The following LITAF variants were observed in gnomAD, a reference collection of about 807,000 sequenced individuals.
The protein encoded by LITAF is lipopolysaccharide-induced tumor necrosis factor-alpha factor.
A neutral mutation model predicts 14.5 loss-of-function variants in LITAF; 9 were observed. The observed-to-expected ratio is 0.62, with a 90% CI of 0.37 to 1.08. LITAF has a LOEUF of 1.08. LITAF is among the 50% of genes least tolerant of loss of function. The probability of loss-of-function intolerance (pLI) is 0.01; values close to 1 mark genes in which losing one functional copy is unlikely to be tolerated. For missense variants in LITAF, 206 were observed against 213.4 expected (o/e 0.97, Z 0.22); for synonymous variants, 98 against 88.2 (o/e 1.11, Z -0.62).
chr16:11,592,078 T>C (rs527921027), upstream of LITAF, among the ~76,000 whole-genome samples: 23 of 152,256 alleles, frequency 1.5e-4, 1 homozygote, highest in South Asian at 4.6e-3. Flanking sequence ...GCACAAGCAA[T>C]AAAATAAGAA....
chr16:11,621,834 G>A (rs2065053285), intron 3 of LITAF, among the ~76,000 whole-genome samples: 1 of 152,068 alleles, frequency 6.6e-6, no homozygotes, highest in Admixed American at 6.6e-5. Flanking sequence ...CAGATCCTAA[G>A]ATCCTGCTCT....
At chr16:11,590,897 T>A (rs2064842549), upstream of LITAF, among the ~76,000 whole-genome samples, 2 of 117,058 alleles carry the variant, frequency 1.7e-5, 1 homozygote, top group Non-Finnish European at 3.4e-5. Flanking sequence ...CAAGCCTGGC[T>A]AATTTTTGTA....
At position 11,619,010 on chromosome 16, in the gene LITAF, C is replaced by A. The variant is rs112043499; in HGVS notation, c.85+14523G>T. Among the ~76,000 whole-genome samples, 222 of 149,014 alleles carry A rather than the reference C, an allele frequency of 1.5e-3. 3 individuals carry two copies. The highest frequency in any genetic ancestry group is 3.6e-3 in the Admixed American group (54 of 14,954). On this transcript the variant is annotated intron_variant, in intron 3 of 3. Transcript: ENST00000574848. ...AAAAAAAACAAAACAAACAAACAAA[C>A]AAAAAAAACCCCAGCACTGCCCGGG...
In LITAF at chr16:11,620,593, CA is replaced by C. The variant is rs1204189885; in HGVS notation, c.85+12939del. Among the ~76,000 whole-genome samples, 6 of 152,314 alleles carry C rather than the reference CA, an allele frequency of 3.9e-5. No homozygotes were observed. The South Asian group carries it at 1.0e-3, about 26-fold the overall frequency. ...TGCAAGAATGCCTAAAACAGCCTCC[CA>C]AAGCACTGGGATTACAGACGTGAGC... On this transcript the variant is annotated intron_variant, in intron 3 of 3. Transcript: ENST00000574848.
At chr16:11,616,128 C>T (rs1335850479) in intron 3 of LITAF, among the ~76,000 whole-genome samples, 1 of 152,182 alleles carries the variant, frequency 6.6e-6, no homozygotes, top group Non-Finnish European at 1.5e-5. Flanking sequence ...CAGGGCCCTT[C>T]CAGACCCCAC....
chr16:11,550,766 GATTAC>G (rs2064170307), intron 3 of LITAF, among the ~76,000 whole-genome samples: 2 of 152,106 alleles, frequency 1.3e-5, no homozygotes, highest in Non-Finnish European at 2.9e-5. Context: ...AAATTGCTGG[GATTAC>G]AGGTGGAAGC....
rs774776755 is a variant in LITAF at position 11,605,315 on chromosome 16, G to A, written c.85+28218C>T. Among the ~76,000 whole-genome samples the A allele has an allele frequency of 3.3e-5, 5 of 152,162 alleles. No individual in the cohort carries two copies. Among genetic ancestry groups the A allele is most frequent in the Admixed American group, 6.5e-5 (1 of 15,276 alleles). ...CTAGTATTCAATGGGGGGATGCCAC[G>A]CAGGTCTGGCTATGTCTTCAGAAAC... On this transcript the variant is annotated intron_variant, in intron 3 of 3. Coordinates refer to the LITAF transcript ENST00000574848. This position sits in a 1 kb window ranked among gnomAD's most constrained non-coding sequence, Gnocchi z 4.7.
intron 1 of LITAF, among the ~76,000 whole-genome samples, chr16:11,584,700 G>T (rs1267240411): frequency 6.6e-6 from 1 of 152,090 alleles, no homozygotes; most frequent in Non-Finnish European, 1.5e-5. Flanking sequence ...AGTTACAAGG[G>T]CATTAGCAAG....
At chr16:11,631,202 A>C (rs935116130) in intron 3 of LITAF, among the ~76,000 whole-genome samples, 1 of 152,164 alleles carries the variant, frequency 6.6e-6, no homozygotes, top group Non-Finnish European at 1.5e-5. Flanking sequence ...TGTGGCTGCA[A>C]TTATCACATC....
chr16:11,592,531 T>C (rs1446083317), intron 1 of LITAF, among the ~76,000 whole-genome samples: 1 of 150,358 alleles, frequency 6.7e-6, no homozygotes, highest in Admixed American at 6.7e-5. Context: ...GCAGAGATCA[T>C]GTCACTGCAC....
chr16:11,631,545 AGCTG>A (rs1176508321), intron 3 of LITAF, among the ~76,000 whole-genome samples: 2 of 152,176 alleles, frequency 1.3e-5, no homozygotes, highest in African/African-American at 4.8e-5. Context: ...CATGCCACAC[AGCTG>A]GCTAAGTTTT....
upstream of LITAF, among the ~76,000 whole-genome samples, chr16:11,588,126 G>T (rs1210184879): frequency 3.3e-5 from 5 of 152,084 alleles, no homozygotes; most frequent in Admixed American, 6.6e-5. Flanking sequence ...AAGTTGGAAG[G>T]GATTTCAAAG....
chr16:11,577,972 T>G (rs2064667896), intron 1 of LITAF, among the ~76,000 whole-genome samples: 1 of 152,044 alleles, frequency 6.6e-6, no homozygotes, highest in African/African-American at 2.4e-5. Context: ...CGTAACTCAC[T>G]GCAGCCTTCA....
intron 3 of LITAF, among the ~76,000 whole-genome samples, chr16:11,630,156 T>C (rs908925919): frequency 6.6e-6 from 1 of 151,920 alleles, no homozygotes; most frequent in Non-Finnish European, 1.5e-5. Flanking sequence ...CCCCTGGCGT[T>C]GGGGGGGCTC....
At chr16:11,637,170 C>T (rs889588477), upstream of LITAF, among the ~76,000 whole-genome samples, 5 of 152,178 alleles carry the variant, frequency 3.3e-5, no homozygotes, top group African/African-American at 7.2e-5. Context: ...TGATTATAGG[C>T]GCAGGCCACC....
chr16:11,608,875 A>C (rs2064967948), intron 3 of LITAF, among the ~76,000 whole-genome samples: 1 of 152,138 alleles, frequency 6.6e-6, no homozygotes, highest in African/African-American at 2.4e-5. Context: ...AGGCATGAGA[A>C]TCTCTTGAAC....
chr16:11,617,521 G>A lies in LITAF; in HGVS notation c.85+16012C>T, dbSNP rs577620852. 6.0e-5 allele frequency among the ~76,000 whole-genome samples: 9 copies of A among 149,406 alleles called. No individual in the cohort carries two copies. In the South Asian group the frequency reaches 1.9e-3, roughly 32 times the overall value. On this transcript the variant is annotated intron_variant, in intron 3 of 3. Transcript: ENST00000574848. ...AACTCACTGCAACTTCTGCCTCCCG[G>A]GTTCAAGGGATTCTCTTGCCTCAGC...
Position 11,556,235 on chromosome 16 carries a change from A to T in LITAF, c.220+276T>A, listed in dbSNP as rs11644565. On this transcript the variant is annotated intron_variant, in intron 2 of 3. Coordinates refer to ENST00000622633, the MANE Select transcript of LITAF (RefSeq NM_001136472.2). ...CCTTAAGACACAAACTCCCATTCTC[A>T]GAAGAAAGTTGGTTGTGCCTCCAAG... 44,200 of 536,078 alleles carry T rather than the reference A, an allele frequency of 0.082. 1,971 individuals are homozygous for T. The highest frequency in any genetic ancestry group is 0.11 in the Middle Eastern group (306 of 2,828). The allele number at this position is 536,078 out of a possible 1,614,324, so 33.2% of individuals were successfully genotyped here. A position where few individuals can be genotyped will look rare whatever the true frequency, so the allele number is the denominator to read the frequency against.
intron 1 of LITAF, among the ~76,000 whole-genome samples, chr16:11,572,589 C>G (rs1031477247): frequency 4.5e-4 from 69 of 152,316 alleles, no homozygotes; most frequent in Middle Eastern, 3.4e-3. Context: ...TCCCCTAAAC[C>G]CGCAGCCCCA....
Sources: allele counts gnomAD v4.1 joint callset (sites outside exome capture counted in the v4.1 genomes callset), GRCh38; gene constraint gnomAD v4.1.1; non-coding constraint Gnocchi (gnomAD v3.1); transcripts MANE v1.5; gene names NCBI Gene and HGNC (gene_info 2026-07-23, HGNC 2026-07-21).